SIPA1L1: variants seen among roughly 807,000 people sequenced by gnomAD.
The protein encoded by SIPA1L1 is signal induced proliferation associated 1 like 1, also known as signal-induced proliferation-associated 1-like protein 1.
A neutral mutation model predicts 162.7 loss-of-function variants in SIPA1L1; 26 were observed. The ratio of observed to expected loss-of-function variants is 0.16; its 90% confidence interval spans 0.12 to 0.22. The LOEUF (loss-of-function observed/expected upper bound fraction) is 0.22. Ranked by LOEUF, SIPA1L1 falls within the 10% of genes least tolerant of loss-of-function variation. The pLI is 1.00. For missense variants in SIPA1L1, 1,874 were observed against 2,241.0 expected (o/e 0.84, Z 3.31); for synonymous variants, 829 against 837.4 (o/e 0.99, Z 0.17).
intron 2 of SIPA1L1, among the ~76,000 whole-genome samples, chr14:71,343,439 T>C (rs2035853958): frequency 6.6e-6 from 1 of 152,186 alleles, no homozygotes; most frequent in South Asian, 2.1e-4. Flanking sequence ...GAGAAAAATA[T>C]CTTATCAGGA....
intron 2 of SIPA1L1, among the ~76,000 whole-genome samples, chr14:71,367,365 G>GTGCAGT (rs2038406853): frequency 6.7e-6 from 1 of 149,006 alleles, no homozygotes; most frequent in Non-Finnish European, 1.5e-5. Flanking sequence ...GGAGTGCAGT[G>GTGCAGT]GCGCGATCTC....
chr14:71,647,760 A>T (rs146765546), intron 7 of SIPA1L1, among the ~76,000 whole-genome samples: 210 of 152,316 alleles, frequency 1.4e-3, no homozygotes, highest in Non-Finnish European at 2.5e-3. Flanking sequence ...TAGGGTACTT[A>T]GCTCAATTCT....
At chr14:71,376,170 T>C (rs1387800425) in intron 2 of SIPA1L1, among the ~76,000 whole-genome samples, 1 of 152,172 alleles carries the variant, frequency 6.6e-6, no homozygotes, top group African/African-American at 2.4e-5. Flanking sequence ...ACTTAGAATT[T>C]CCATTTTTGA....
intron 5 of SIPA1L1, among the ~76,000 whole-genome samples, chr14:71,590,673 A>C (rs1400874125): frequency 6.6e-6 from 1 of 152,146 alleles, no homozygotes; most frequent in Non-Finnish European, 1.5e-5. Context: ...GCATACCCTG[A>C]TGTCATTTTT....
chr14:71,397,609 G>A (rs2041312856), intron 2 of SIPA1L1, among the ~76,000 whole-genome samples: 1 of 152,070 alleles, frequency 6.6e-6, no homozygotes, highest in Non-Finnish European at 1.5e-5. Context: ...CTGCCTGCAG[G>A]CTAAGTTAAG....
At chr14:71,456,661 CAG>C (rs2046211218) in intron 2 of SIPA1L1, among the ~76,000 whole-genome samples, 1 of 152,202 alleles carries the variant, frequency 6.6e-6, no homozygotes. Flanking sequence ...TCAGACAAAA[CAG>C]AATGTCTAAA....
At chr14:71,451,331 A>G (rs1225251115) in intron 2 of SIPA1L1, among the ~76,000 whole-genome samples, 4 of 152,132 alleles carry the variant, frequency 2.6e-5, no homozygotes, top group African/African-American at 9.7e-5. Context: ...AGATAAGTTA[A>G]TAAGTTAGTA....
At chr14:71,367,028 A>G (rs1361568882) in intron 2 of SIPA1L1, among the ~76,000 whole-genome samples, 2 of 152,172 alleles carry the variant, frequency 1.3e-5, no homozygotes, top group African/African-American at 4.8e-5. Flanking sequence ...TTAGTTGCAT[A>G]CTTTTAATCC....
chr14:71,331,936 CA>C (rs1194811600), intron 2 of SIPA1L1, among the ~76,000 whole-genome samples: 1 of 152,184 alleles, frequency 6.6e-6, no homozygotes, highest in East Asian at 1.9e-4. Context: ...GCCAGAACAG[CA>C]AATTTAGTGG....
At chr14:71,662,873 T>C (rs1166338822) in intron 10 of SIPA1L1, among the ~76,000 whole-genome samples, 3 of 152,192 alleles carry the variant, frequency 2.0e-5, no homozygotes, top group African/African-American at 7.2e-5. Flanking sequence ...TGGATAACTA[T>C]TTGCATTTAG....
chr14:71,599,147 C>CTTTTTTTTTTT (rs35037397), intron 5 of SIPA1L1, among the ~76,000 whole-genome samples: 1 of 106,200 alleles, frequency 9.4e-6, no homozygotes, highest in East Asian at 2.9e-4. Flanking sequence ...TGATTTCATT[C>CTTTTTTTTTTT]TTTTTTTTTT....
At chr14:71,500,394 A>C (rs1342398142) in intron 2 of SIPA1L1, among the ~76,000 whole-genome samples, 1 of 152,226 alleles carries the variant, frequency 6.6e-6, no homozygotes. Flanking sequence ...GCCTCTTAAA[A>C]GGCCCTCAAA....
chr14:71,492,403 C>T (rs1420956469), intron 2 of SIPA1L1, among the ~76,000 whole-genome samples: 1 of 152,084 alleles, frequency 6.6e-6, no homozygotes, highest in Non-Finnish European at 1.5e-5. Context: ...TTACAGGTGA[C>T]AATTTTAGTG....
chr14:71,556,677 G>T (rs575867228), intron 4 of SIPA1L1, among the ~76,000 whole-genome samples: 1 of 151,600 alleles, frequency 6.6e-6, no homozygotes, highest in South Asian at 2.1e-4. Flanking sequence ...GAGCTTCCGT[G>T]CCCTCCTTTG....
At chr14:71,340,706 A>T (rs1213390891) in intron 2 of SIPA1L1, among the ~76,000 whole-genome samples, 3 of 152,074 alleles carry the variant, frequency 2.0e-5, no homozygotes, top group African/African-American at 4.8e-5. Context: ...CTTTACTGAG[A>T]AAAATTTGAT....
chr14:71,560,654 A>G (rs905957168), intron 4 of SIPA1L1, among the ~76,000 whole-genome samples: 6 of 152,222 alleles, frequency 3.9e-5, no homozygotes, highest in Admixed American at 3.9e-4. Flanking sequence ...TTCCTGATGT[A>G]TCTTCTAGGA....
intron 4 of SIPA1L1, among the ~76,000 whole-genome samples, chr14:71,550,539 C>G (rs2055712591): frequency 1.3e-5 from 2 of 151,826 alleles, no homozygotes; most frequent in South Asian, 2.1e-4. Flanking sequence ...GATGGAGAAC[C>G]AGACTGAGGC....
chr14:71,489,044 G>A (rs1193163573), intron 2 of SIPA1L1, among the ~76,000 whole-genome samples: 2 of 152,192 alleles, frequency 1.3e-5, no homozygotes, highest in East Asian at 3.9e-4. Flanking sequence ...TGTGTGTTGT[G>A]TATAAAATGA....
intron 4 of SIPA1L1, among the ~76,000 whole-genome samples, chr14:71,545,233 C>T (rs2055076323): frequency 6.6e-6 from 1 of 151,980 alleles, no homozygotes; most frequent in Non-Finnish European, 1.5e-5. Context: ...AATCATTTGT[C>T]ATTAAAAAAA....
Sources: gnomAD v4.1 joint callset for allele counts (sites outside exome capture counted in the v4.1 genomes callset) on GRCh38, gnomAD v4.1.1 for gene constraint, MANE v1.5 for transcripts, NCBI Gene and HGNC (gene_info 2026-07-23, HGNC 2026-07-21) for gene names.